Variants in ZNF775 observed in about 807,000 individuals in gnomAD.
The protein encoded by ZNF775 is zinc finger protein 775.
A neutral mutation model predicts 2.4 loss-of-function variants in ZNF775; 1 was observed. That is an observed-to-expected ratio of 0.41 (90% CI 0.15 to 1.94). ZNF775 has a LOEUF of 1.94. Ranked by LOEUF, ZNF775 falls within the 30% of genes most tolerant of loss-of-function variation. The pLI is 0.30. For synonymous variants in ZNF775, 381 were observed against 373.3 expected, an observed-to-expected ratio of 1.02 and a Z score of -0.24; for missense variants, 823 against 826.6, an observed-to-expected ratio of 1.00 and a Z score of 0.05.
Position 150,397,737 on chromosome 7 carries a change from C to A in ZNF775, c.1256C>A (p.Ser419Tyr). The A allele has an allele frequency of 6.8e-7, 1 of 1,461,152 alleles. No homozygotes were observed. Among genetic ancestry groups the A allele is most frequent in the Non-Finnish European group, 9.0e-7 (1 of 1,113,920 alleles). The allele number at this position is 1,461,152 out of a possible 1,614,324, so 90.5% of individuals were successfully genotyped here. The change falls in exon 3 of 3, where the codon TCC (serine) becomes TAC (tyrosine). Residue 419 changes from serine to tyrosine, a missense_variant. Coordinates refer to ENST00000329630, the MANE Select transcript of ZNF775 (RefSeq NM_173680.4). ...GGCTTGGCCGCGAGGCCGCGGAGCTCCCAACGGTCCCCGGGGGCCCGGGAC... is the reference window on the plus strand; with the variant it reads ...GGCTTGGCCGCGAGGCCGCGGAGCTACCAACGGTCCCCGGGGGCCCGGGAC... ...IPGLAARPRS[S>Y]QRSPGARDTL...
At position 150,397,276 on chromosome 7, in the gene ZNF775, C is replaced by T. The variant is rs773067371; in HGVS notation, c.795C>T (p.Ala265=). Residue 265 remains alanine (A), a synonymous_variant, in exon 3 of 3, where the codon GCC becomes GCT. Coordinates refer to ENST00000329630, the MANE Select transcript of ZNF775 (RefSeq NM_173680.4). ...AGGGCTGGTGGGGCCAGCCCGGGGC[C>T]CGGGCCGCGGTCTCCGGCCCCGAGG... The part of the protein sequence containing the change: ...LCQGWWGQPG[A]RAAVSGPEGP... 5.9e-5 allele frequency: 86 copies of T among 1,454,674 alleles called. No homozygotes were observed. In the East Asian group the frequency reaches 2.3e-3, roughly 39 times the overall value. The allele number at this position is 1,454,674 out of a possible 1,614,324, so 90.1% of individuals were successfully genotyped here.
At chr7:150,391,328 T>C (rs2129621109) in intron 2 of ZNF775, among the ~76,000 whole-genome samples, 1 of 152,198 alleles carries the variant, frequency 6.6e-6, no homozygotes, top group South Asian at 2.1e-4. Context: ...GCCAACATGG[T>C]GAAACCCCAT....
intron 1 of ZNF775, among the ~76,000 whole-genome samples, chr7:150,387,700 T>C (rs1003337029): frequency 3.3e-5 from 5 of 151,898 alleles, no homozygotes; most frequent in Non-Finnish European, 7.4e-5. Context: ...GTAGTCCCAG[T>C]TACTCAGGAG....
rs376522510 is a variant in ZNF775, at chr7:150,396,691, G to T, written c.210G>T (p.Gly70=). The T allele has an allele frequency of 6.2e-7, 1 of 1,606,790 alleles. No individual in the cohort carries two copies. Among genetic ancestry groups the T allele is most frequent in the Admixed American group, 1.7e-5 (1 of 59,294 alleles). Residue 70 remains glycine, a synonymous_variant, in exon 3 of 3, where the codon GGG becomes GGT. Coordinates refer to ENST00000329630, the MANE Select transcript of ZNF775 (RefSeq NM_173680.4). The part of the protein sequence containing the change: ...PRALGGQEES[G]SPRWAPPTEQ... ...CCCTGGGGGGACAGGAGGAGTCTGG[G>T]AGTCCAAGGTGGGCCCCTCCCACTG... is the stretch of plus-strand genomic sequence containing the variant.
chr7:150,387,320 C>A, intron 1 of ZNF775, among the ~76,000 whole-genome samples: 1 of 145,266 alleles, frequency 6.9e-6, no homozygotes, highest in African/African-American at 2.5e-5. Flanking sequence ...AAAAGAAGCA[C>A]AAGGGATGCC....
Position 150,397,828 on chromosome 7 carries a change from C to T in ZNF775, c.1347C>T (p.Asn449=). The change falls in exon 3 of 3, where the codon AAC becomes AAT. Residue 449 remains asparagine (N), a synonymous_variant. Transcript: ENST00000329630. ...GCGAGCCGCGCCAGTTCATCTGCAA[C>T]GAGTGCGGCAAGAGCTTCTCGTGGT... ...GPGEPRQFIC[N]ECGKSFSWWS... is the part of the protein sequence containing the mutation. 2 of 1,598,796 alleles carry T rather than the reference C, an allele frequency of 1.3e-6. No homozygotes were observed. The highest frequency in any genetic ancestry group is 1.7e-4 in the Middle Eastern group (1 of 6,042).
intron 2 of ZNF775, among the ~76,000 whole-genome samples, chr7:150,391,706 CT>C (rs535705895): frequency 0.42 from 30,889 of 73,930 alleles, 5,864 homozygotes; most frequent in Middle Eastern, 0.53. Context: ...TCCTTTCTTT[CT>C]TTTTTTTTTT....
At position 150,396,788 on chromosome 7, in the gene ZNF775, G is replaced by T; in HGVS notation, c.307G>T (p.Gly103Cys). 2 of 1,596,078 alleles carry T rather than the reference G, an allele frequency of 1.3e-6. No homozygotes were observed. The highest frequency in any genetic ancestry group is 1.3e-5 in the African/African-American group (1 of 74,772). The change falls in exon 3 of 3, where the codon GGC becomes TGC. Residue 103 changes from glycine (G) to cysteine (C), a missense_variant. Gly to Cys is a radical substitution (Grantham distance 159, BLOSUM62 -3). Transcript: ENST00000329630. ...CCCCCTGAGCCCCTCGCTTTCCTCCGGCGAGGGTCACTTTGTATGCCTGGA... is the reference window on the plus strand; with the variant it reads ...CCCCCTGAGCCCCTCGCTTTCCTCCTGCGAGGGTCACTTTGTATGCCTGGA... ...SGPLSPSLSS[G>C]EGHFVCLDCG...
intron 2 of ZNF775, among the ~76,000 whole-genome samples, chr7:150,392,791 C>T (rs185035556): frequency 6.6e-6 from 1 of 152,326 alleles, no homozygotes; most frequent in Non-Finnish European, 1.5e-5. Flanking sequence ...GCCTTAGCCT[C>T]CCAAAGTGCT....
chr7:150,387,801 C>T (rs1464064596), intron 1 of ZNF775, among the ~76,000 whole-genome samples: 2 of 133,640 alleles, frequency 1.5e-5, no homozygotes, highest in Admixed American at 8.0e-5. Flanking sequence ...CAGAGCGAGA[C>T]TCCATCTCAA....
Position 150,397,750 on chromosome 7 carries a change from G to C in ZNF775, c.1269G>C (p.Pro423=). 1 of 1,482,494 alleles carries C rather than the reference G, an allele frequency of 6.7e-7. No individual in the cohort carries two copies. Among genetic ancestry groups the C allele is most frequent in the Non-Finnish European group, 8.9e-7 (1 of 1,122,462 alleles). 91.8% of individuals were successfully genotyped at this position (1,482,494 alleles called of 1,614,324 possible). A position where few individuals can be genotyped will look rare whatever the true frequency, so the allele number is the denominator to read the frequency against. ...AARPRSSQRS[P]GARDTLWGRG... ...GGCCGCGGAGCTCCCAACGGTCCCC[G>C]GGGGCCCGGGACACGCTGTGGGGCC... Residue 423 remains proline (P), a synonymous_variant, in exon 3 of 3, where the codon CCG becomes CCC. Transcript: ENST00000329630.
At chr7:150,391,289 C>A (rs1800554507) in intron 2 of ZNF775, among the ~76,000 whole-genome samples, 2 of 152,184 alleles carry the variant, frequency 1.3e-5, no homozygotes, top group South Asian at 4.1e-4. Flanking sequence ...CGGTGGATCA[C>A]CTGAGGTCAG....
At position 150,390,973 on chromosome 7, in the gene ZNF775, A is replaced by T. The variant is rs1048604122; in HGVS notation, c.31+2472A>T. 2.0e-5 allele frequency among the ~76,000 whole-genome samples: 3 copies of T among 152,198 alleles called. No individual in the cohort carries two copies. The South Asian group carries it at 6.2e-4, about 31-fold the overall frequency. ...TCCACGCATATTGTAAAGTAGAGGT[A>T]TTATTGATTTTTTAAATTTTTGTTG... On this transcript the variant is annotated intron_variant, in intron 2 of 2. Coordinates refer to ENST00000329630, the MANE Select transcript of ZNF775 (RefSeq NM_173680.4).
In ZNF775 at chr7:150,397,141, C is replaced by T. The variant is rs1800679427; in HGVS notation, c.660C>T (p.Ser220=). 3 of 1,489,500 alleles carry T rather than the reference C, an allele frequency of 2.0e-6. No homozygotes were observed. The highest frequency in any genetic ancestry group is 2.9e-5 in the African/African-American group (2 of 69,084). 92.3% of individuals were successfully genotyped at this position (1,489,500 alleles called of 1,614,324 possible). A position where few individuals can be genotyped will look rare whatever the true frequency, so the allele number is the denominator to read the frequency against. ...CGCACGCCCGGGACCGCCAGGGCTC[C>T]CGCGCCGGCCTGCACGAGCTGATTC... ...QRAHARDRQG[S]RAGLHELIQD... is the part of the protein sequence containing the mutation. Residue 220 remains serine (S), a synonymous_variant, in exon 3 of 3, where the codon TCC becomes TCT. Coordinates refer to ENST00000329630, the MANE Select transcript of ZNF775 (RefSeq NM_173680.4).
In ZNF775 at chr7:150,396,715, T is replaced by A; in HGVS notation, c.234T>A (p.Thr78=). 6.3e-7 allele frequency: 1 copy of A among 1,599,544 alleles called. No homozygotes were observed. Among genetic ancestry groups the A allele is most frequent in the Non-Finnish European group, 8.5e-7 (1 of 1,173,714 alleles). ...ESGSPRWAPP[T]EQDAGLAGRA... ...GGAGTCCAAGGTGGGCCCCTCCCACTGAGCAGGATGCGGGGCTGGCAGGCC... is the reference window on the plus strand; with the variant it reads ...GGAGTCCAAGGTGGGCCCCTCCCACAGAGCAGGATGCGGGGCTGGCAGGCC... The change falls in exon 3 of 3, where the codon ACT becomes ACA. Residue 78 remains threonine (T), a synonymous_variant. Transcript: ENST00000329630.
chr7:150,398,241 G>C lies in ZNF775; in HGVS notation c.*146G>C. Reference sequence around the variant, plus strand: ...TTAAGGCTCTGAAGGGCTGAGAACAGTTCTAGAAGCGTCCCAAAGGGTGCT... The same window carrying C: ...TTAAGGCTCTGAAGGGCTGAGAACACTTCTAGAAGCGTCCCAAAGGGTGCT... On this transcript the variant is annotated 3_prime_UTR_variant, in exon 3 of 3. Transcript: ENST00000329630. 1.5e-6 allele frequency: 2 copies of C among 1,296,002 alleles called. No homozygotes were observed. The highest frequency in any genetic ancestry group is 2.1e-6 in the Non-Finnish European group (2 of 975,322). 80.3% of individuals were successfully genotyped at this position (1,296,002 alleles called of 1,614,324 possible). A position where few individuals can be genotyped will look rare whatever the true frequency, so the allele number is the denominator to read the frequency against.
At chr7:150,396,467 G>A in intron 2 of ZNF775, 46 bp from the exon 3 acceptor site, 1 of 1,526,828 alleles carries the variant, frequency 6.5e-7, no homozygotes, top group South Asian at 1.2e-5. Context: ...ACCCAGCGGA[G>A]CAGCAGTGAC....
chr7:150,390,749 T>C (rs1007475805), intron 2 of ZNF775, among the ~76,000 whole-genome samples: 3 of 152,250 alleles, frequency 2.0e-5, no homozygotes, highest in Non-Finnish European at 4.4e-5. Context: ...CTTCAGTGAA[T>C]ATTCCTGGAC....
At chr7:150,383,672 T>C (rs1800401820) in intron 1 of ZNF775, 1 of 152,402 alleles carries the variant, frequency 6.6e-6, no homozygotes. Context: ...GAGGACCTGC[T>C]GGGACCTCAG....
Sources: allele counts gnomAD v4.1 joint callset (sites outside exome capture counted in the v4.1 genomes callset), GRCh38; gene constraint gnomAD v4.1.1; transcripts MANE v1.5; gene names NCBI Gene and HGNC (gene_info 2026-07-23, HGNC 2026-07-21).